The following COL21A1 variants were observed in gnomAD, a reference collection of about 807,000 sequenced individuals.
The protein encoded by COL21A1 is collagen alpha-1(XXI) chain.
In COL21A1, 149 loss-of-function variants were observed where a neutral mutation model predicts 137.9. The observed-to-expected ratio is 1.08, with a 90% confidence interval of 0.95 to 1.24. COL21A1 has a LOEUF of 1.24. Ranked by LOEUF, COL21A1 falls within the 50% of genes most tolerant of loss-of-function variation. COL21A1 has a pLI of 0.00. For missense variants in COL21A1, 1,167 were observed against 1,158.4 expected, an observed-to-expected ratio of 1.01 and a Z score of -0.11; for synonymous variants, 456 against 391.5, an observed-to-expected ratio of 1.16 and a Z score of -1.95.
chr6:56,373,780 T>A (rs75572002), intron 1 of COL21A1, among the ~76,000 whole-genome samples: 3,172 of 152,332 alleles, frequency 0.021, 123 homozygotes, highest in African/African-American at 0.072. Context: ...TCTTAGCAAT[T>A]TTCAAGAATA....
chr6:56,328,139 T>C (rs760420197), intron 1 of COL21A1, among the ~76,000 whole-genome samples: 2 of 152,052 alleles, frequency 1.3e-5, no homozygotes, highest in Admixed American at 6.6e-5. Flanking sequence ...CTTAATTATG[T>C]GAGTCAAAAT....
At chr6:56,066,314 A>T (rs114398590) in intron 23 of COL21A1, among the ~76,000 whole-genome samples, 157 of 152,122 alleles carry the variant, frequency 1.0e-3, no homozygotes, top group African/African-American at 3.7e-3. Flanking sequence ...GAATAAGTTC[A>T]TTAATAGGAA....
Position 56,382,760 on chromosome 6 carries a change from G to A in COL21A1, c.-39+11211C>T, listed in dbSNP as rs1446432544. Among the ~76,000 whole-genome samples the A allele has an allele frequency of 2.6e-5, 4 of 152,190 alleles. No homozygotes were observed. The East Asian group carries it at 7.7e-4, about 29-fold the overall frequency. On this transcript the variant is annotated intron_variant, in intron 1 of 28. Transcript: ENST00000370819. ...CAGAAACAAACCATGATGGCACCCT[G>A]ATGTCAAATGTCCAGCCTCCATAAT...
chr6:56,100,909 T>C (rs1248458592), intron 17 of COL21A1, among the ~76,000 whole-genome samples: 1 of 152,190 alleles, frequency 6.6e-6, no homozygotes, highest in Non-Finnish European at 1.5e-5. Context: ...AAATTTCAAA[T>C]TTCTTGAGGG....
intron 1 of COL21A1, among the ~76,000 whole-genome samples, chr6:56,279,903 C>A (rs932216569): frequency 1.3e-5 from 2 of 152,136 alleles, no homozygotes; most frequent in African/African-American, 4.8e-5. Flanking sequence ...AATAGCAATG[C>A]AAGGAAGTTA....
chr6:56,266,949 A>T (rs1404275614), intron 1 of COL21A1, among the ~76,000 whole-genome samples: 3 of 152,234 alleles, frequency 2.0e-5, no homozygotes, highest in Admixed American at 6.5e-5. Context: ...CAGCTCGGGC[A>T]GAATGTACAT....
intron 1 of COL21A1, among the ~76,000 whole-genome samples, chr6:56,238,382 G>A (rs142864243): frequency 1.9e-4 from 28 of 149,992 alleles, no homozygotes; most frequent in Non-Finnish European, 3.2e-4. Context: ...GAAGCATGAA[G>A]GCACCTGCTG....
intron 1 of COL21A1, among the ~76,000 whole-genome samples, chr6:56,260,641 A>AAGAAAGAAAGAGAGAGAGAGAG (rs1763236514): frequency 2.5e-5 from 1 of 40,724 alleles, no homozygotes; most frequent in African/African-American, 9.5e-5. Context: ...GGAAGGAAGG[A>AAGAAAGAAAGAGAGAGAGAGAG]AGGAAGGAAG....
chr6:56,382,664 C>T (rs550253025), intron 1 of COL21A1, among the ~76,000 whole-genome samples: 2 of 152,116 alleles, frequency 1.3e-5, no homozygotes, highest in Non-Finnish European at 2.9e-5. Flanking sequence ...ACCCTCTAGG[C>T]TCAGGAACCA....
intron 1 of COL21A1, among the ~76,000 whole-genome samples, chr6:56,272,049 C>T (rs1277869184): frequency 6.6e-6 from 1 of 152,170 alleles, no homozygotes; most frequent in East Asian, 1.9e-4. Flanking sequence ...GTTGGAACCC[C>T]CAAGCAGAGT....
intron 16 of COL21A1, among the ~76,000 whole-genome samples, chr6:56,120,098 AAAGTG>A (rs1215283411): frequency 2.4e-4 from 37 of 152,314 alleles, no homozygotes; most frequent in African/African-American, 8.9e-4. Context: ...TACAATCAAC[AAAGTG>A]AAGAGATAGT....
intron 1 of COL21A1, among the ~76,000 whole-genome samples, chr6:56,383,322 T>C (rs532299787): frequency 1.3e-5 from 2 of 152,280 alleles, no homozygotes; most frequent in South Asian, 4.2e-4. Context: ...ATGACCTAAT[T>C]ACCTCCCCAA....
chr6:56,177,060 A>G (rs775396175), intron 3 of COL21A1, among the ~76,000 whole-genome samples: 14 of 151,780 alleles, frequency 9.2e-5, no homozygotes, highest in Non-Finnish European at 1.3e-4. Flanking sequence ...TAGAAGTAGT[A>G]GTAGAAAAAG....
intron 9 of COL21A1, among the ~76,000 whole-genome samples, chr6:56,157,878 G>A (rs1775875738): frequency 1.3e-5 from 2 of 152,134 alleles, no homozygotes; most frequent in African/African-American, 4.8e-5. Flanking sequence ...TTGAATACAT[G>A]TAATATTTAA....
intron 17 of COL21A1, among the ~76,000 whole-genome samples, chr6:56,089,453 T>TA (rs1276027948): frequency 2.8e-4 from 42 of 152,152 alleles, no homozygotes; most frequent in African/African-American, 4.8e-5. Context: ...CTTTTTATTT[T>TA]AAAAAAATAT....
intron 3 of COL21A1, among the ~76,000 whole-genome samples, chr6:56,172,432 C>G (rs1582552883): frequency 6.6e-6 from 1 of 152,094 alleles, no homozygotes; most frequent in African/African-American, 2.4e-5. Flanking sequence ...TCTGGCAGAA[C>G]TGTTCTTCAA....
intron 1 of COL21A1, among the ~76,000 whole-genome samples, chr6:56,323,151 T>C (rs11967497): frequency 0.18 from 27,652 of 152,040 alleles, 3,742 homozygotes; most frequent in African/African-American, 0.38. Flanking sequence ...ATGTATCCTT[T>C]GAATTTACAA....
intron 1 of COL21A1, among the ~76,000 whole-genome samples, chr6:56,234,802 T>C (rs1189901222): frequency 6.6e-6 from 1 of 151,874 alleles, no homozygotes; most frequent in African/African-American, 2.4e-5. Context: ...TATTCATCTC[T>C]TAAAAGCTAT....
At chr6:56,385,456 C>G (rs2094016324) in intron 1 of COL21A1, among the ~76,000 whole-genome samples, 1 of 152,168 alleles carries the variant, frequency 6.6e-6, no homozygotes, top group Non-Finnish European at 1.5e-5. Flanking sequence ...TGGCCCCTTC[C>G]ACCTTCAAAG....
Sources: gnomAD v4.1 joint callset for allele counts (sites outside exome capture counted in the v4.1 genomes callset) on GRCh38, gnomAD v4.1.1 for gene constraint, MANE v1.5 for transcripts, NCBI Gene and HGNC (gene_info 2026-07-23, HGNC 2026-07-21) for gene names.